The following ZSWIM2 variants were observed in gnomAD, a reference collection of about 807,000 sequenced individuals.
ZSWIM2 encodes the protein E3 ubiquitin-protein ligase ZSWIM2.
Under a neutral mutation model 48.4 loss-of-function variants are expected in ZSWIM2, and 38 were observed. The observed-to-expected ratio is 0.79, with a 90% CI of 0.61 to 1.03. The LOEUF (loss-of-function observed/expected upper bound fraction) is 1.03. ZSWIM2 is among the 50% of genes least tolerant of loss of function. ZSWIM2 has a pLI of 0.00. For missense variants in ZSWIM2, 776 were observed against 730.2 expected (o/e 1.06, Z -0.72); for synonymous variants, 240 against 251.3 (o/e 0.96, Z 0.42).
At chr2:186,833,474 C>A (rs558377485) in intron 6 of ZSWIM2, among the ~76,000 whole-genome samples, 1 of 151,892 alleles carries the variant, frequency 6.6e-6, no homozygotes, top group South Asian at 2.1e-4. Flanking sequence ...TTTATTTTAT[C>A]TTGTCTGGTA....
rs1341224114 is a variant in ZSWIM2 at position 186,835,509 on chromosome 2, AT to A, written c.744-1480del. Among the ~76,000 whole-genome samples the A allele has an allele frequency of 9.4e-4, 143 of 152,192 alleles. 1 individual carries two copies. The highest frequency in any genetic ancestry group is 3.1e-4 in the Non-Finnish European group (21 of 68,030). The stretch of plus-strand genomic sequence containing the variant: ...TGTACATACAGGGAAGATTTTAATA[AT>A]TAACACCAATGGGTTGGACAAATGG... On this transcript the variant is annotated intron_variant, in intron 5 of 8. Transcript: ENST00000295131.
chr2:186,848,963 T>TA lies in ZSWIM2; in HGVS notation c.165+2dup. 1 of 1,613,910 alleles carries TA rather than the reference T, an allele frequency of 6.2e-7. No individual in the cohort carries two copies. The highest frequency in any genetic ancestry group is 1.3e-5 in the African/African-American group (1 of 75,008). ...AACTGGGGGCGGTAGGGGCGGTAGTTACTCGGAAATCCATGTATTCCGGCT... is the reference window on the plus strand; with the variant it reads ...AACTGGGGGCGGTAGGGGCGGTAGTTAACTCGGAAATCCATGTATTCCGGCT... On this transcript the variant is annotated splice_region_variant and intron_variant, in intron 1 of 8. Transcript: ENST00000295131.
chr2:186,846,489 C>T (rs1692004704), intron 2 of ZSWIM2, among the ~76,000 whole-genome samples: 1 of 151,404 alleles, frequency 6.6e-6, no homozygotes, highest in Admixed American at 6.6e-5. Flanking sequence ...CAACAAATGT[C>T]GATAAGGACC....
intron 8 of ZSWIM2, among the ~76,000 whole-genome samples, chr2:186,829,362 T>C (rs1232269476): frequency 1.3e-5 from 2 of 152,196 alleles, no homozygotes; most frequent in African/African-American, 2.4e-5. Flanking sequence ...ATAATAATTA[T>C]GTCAACTTAG....
intron 7 of ZSWIM2, among the ~76,000 whole-genome samples, chr2:186,831,505 C>A (rs556592177): frequency 2.6e-5 from 4 of 151,830 alleles, no homozygotes; most frequent in Non-Finnish European, 5.9e-5. Flanking sequence ...AAAGTCGTGA[C>A]CCAGCCATCC....
rs148143203 is a variant in ZSWIM2 at position 186,847,724 on chromosome 2, G to A, written c.237C>T (p.Ile79=). 3.1e-6 allele frequency: 5 copies of A among 1,602,386 alleles called. No homozygotes were observed. In the African/African-American group the frequency reaches 5.4e-5, roughly 17 times the overall value. ...TCATTTGAAAAGTCACTTACCAGCA[G>A]ATATGCTTACAAAGTTCCCCTCCTT... is the stretch of plus-strand genomic sequence containing the variant. ...FPKGGELCKH[I]CWVLLKKFKL... The change falls in exon 2 of 9, where the codon ATC becomes ATT. Residue 79 remains isoleucine, a synonymous_variant. Coordinates refer to ENST00000295131, the MANE Select transcript of ZSWIM2 (RefSeq NM_182521.3).
chr2:186,834,464 AGATCAGCG>A (rs1275247484), intron 5 of ZSWIM2, among the ~76,000 whole-genome samples: 3 of 152,124 alleles, frequency 2.0e-5, no homozygotes, highest in African/African-American at 7.2e-5. Flanking sequence ...TCCTTCTGTC[AGATCAGCG>A]GTGGCATCAG....
chr2:186,839,837 A>G (rs1429378135), intron 3 of ZSWIM2, among the ~76,000 whole-genome samples: 1 of 151,558 alleles, frequency 6.6e-6, no homozygotes, highest in Non-Finnish European at 1.5e-5. Context: ...CTAAGTGCCT[A>G]TAGTATTGAT....
At chr2:186,832,226 T>G (rs1691712829) in intron 7 of ZSWIM2, among the ~76,000 whole-genome samples, 1 of 152,020 alleles carries the variant, frequency 6.6e-6, no homozygotes, top group African/African-American at 2.4e-5. Context: ...GCAATTCTCC[T>G]GCCTCAGCCT....
intron 6 of ZSWIM2, among the ~76,000 whole-genome samples, chr2:186,833,636 T>C (rs1691743298): frequency 6.6e-6 from 1 of 152,164 alleles, no homozygotes; most frequent in South Asian, 2.1e-4. Context: ...ATAAGCCAAT[T>C]TGTAATGTTG....
intron 4 of ZSWIM2, among the ~76,000 whole-genome samples, chr2:186,838,483 T>C (rs1236735949): frequency 6.7e-6 from 1 of 150,014 alleles, no homozygotes; most frequent in African/African-American, 2.4e-5. Context: ...TTTATAACTA[T>C]AATAAACCAT....
rs775289218 is a variant in ZSWIM2 at position 186,833,997 on chromosome 2, CT to C, written c.776del (p.Gln259ArgfsTer27). 3.1e-6 allele frequency: 5 copies of C among 1,613,032 alleles called. No homozygotes were observed. The highest frequency in any genetic ancestry group is 4.2e-6 in the Non-Finnish European group (5 of 1,179,530). ...GATGGCAGCAGCTATCAAAACATTC[CT>C]GGCATAAGTGATATTCTATGCATTC... The part of the protein sequence containing the change: ...CTECIEYHLC[Q>X]ECFDSCCHLS... On this transcript the variant is annotated frameshift_variant, in exon 6 of 9. Coordinates refer to ENST00000295131, the MANE Select transcript of ZSWIM2 (RefSeq NM_182521.3). LOFTEE classifies it high-confidence loss of function.
Position 186,837,512 on chromosome 2 carries a change from G to C in ZSWIM2, c.537C>G (p.Ile179Met). The change falls in exon 5 of 9, where the codon ATC (isoleucine) becomes ATG (methionine). Residue 179 changes from isoleucine to methionine, a missense_variant. Physicochemically the swap from Ile to Met is conservative, Grantham distance 10 (BLOSUM62 1). Coordinates refer to ENST00000295131, the MANE Select transcript of ZSWIM2 (RefSeq NM_182521.3). ...TTGATGTACTCTGATAATTAGCTAAGATCTTCATGCATTTTATATGAATAC... is the reference window on the plus strand; with the variant it reads ...TTGATGTACTCTGATAATTAGCTAACATCTTCATGCATTTTATATGAATAC... The part of the protein sequence containing the change: ...GNSIHIKCMK[I>M]LANYQSTSNT... 2 of 1,611,422 alleles carry C rather than the reference G, an allele frequency of 1.2e-6. No homozygotes were observed. The highest frequency in any genetic ancestry group is 1.1e-5 in the South Asian group (1 of 91,034).
At position 186,827,766 on chromosome 2, in the gene ZSWIM2, T is replaced by C. The variant is rs1691622131; in HGVS notation, c.*218A>G. On this transcript the variant is annotated 3_prime_UTR_variant, in exon 9 of 9. Transcript: ENST00000295131. ...AAGGCTCTAAAAATTATTCATTATT[T>C]ATAACATCCTGAATATATTCATGAA... 1 of 308,034 alleles carries C rather than the reference T, an allele frequency of 3.2e-6. No individual in the cohort carries two copies. Among genetic ancestry groups the C allele is most frequent in the Non-Finnish European group, 5.9e-6 (1 of 169,462 alleles). The allele number at this position is 308,034 out of a possible 1,614,324, so 19.1% of individuals were successfully genotyped here. A position where few individuals can be genotyped will look rare whatever the true frequency, so the allele number is the denominator to read the frequency against.
In ZSWIM2 at chr2:186,828,530, C is replaced by G; in HGVS notation, c.1356G>C (p.Leu452Phe). The change falls in exon 9 of 9, where the codon TTG becomes TTC. Residue 452 changes from leucine to phenylalanine, a missense_variant. Leu to Phe is a conservative substitution (Grantham distance 22). Coordinates refer to ENST00000295131, the MANE Select transcript of ZSWIM2 (RefSeq NM_182521.3). Reference sequence around the variant, plus strand: ...CATCTTTTGGGCTTTGAGGTGTATTCAATTCATCAAAATTACACTGAGGTA... The same window carrying G: ...CATCTTTTGGGCTTTGAGGTGTATTGAATTCATCAAAATTACACTGAGGTA... ...PSIPQCNFDE[L>F]NTPQSPKDAY... The G allele has an allele frequency of 6.2e-7, 1 of 1,613,330 alleles. No homozygotes were observed. Among genetic ancestry groups the G allele is most frequent in the Non-Finnish European group, 8.5e-7 (1 of 1,179,610 alleles).
In ZSWIM2 at chr2:186,837,318, C is replaced by T. The variant is rs752535449; in HGVS notation, c.731G>A (p.Gly244Glu). Reference sequence around the variant, plus strand: ...GGATAACACTTACTTATAACACTTCCCCTCAATTGGAAACTGTTTGCAGTT... The same window carrying T: ...GGATAACACTTACTTATAACACTTCTCCTCAATTGGAAACTGTTTGCAGTT... ...CNNCKQFPIE[G>E]KCYKCTECIE... The change falls in exon 5 of 9, where the codon GGG becomes GAG. Residue 244 changes from glycine (G) to glutamate (E), a missense_variant. By Grantham distance (98) the Gly-to-Glu change is moderately conservative (BLOSUM62 -2). Coordinates refer to ENST00000295131, the MANE Select transcript of ZSWIM2 (RefSeq NM_182521.3). The T allele has an allele frequency of 6.2e-7, 1 of 1,612,554 alleles. No homozygotes were observed. Among genetic ancestry groups the T allele is most frequent in the Non-Finnish European group, 8.5e-7 (1 of 1,179,054 alleles).
chr2:186,845,650 A>G (rs960051889), intron 2 of ZSWIM2, among the ~76,000 whole-genome samples: 5 of 151,624 alleles, frequency 3.3e-5, no homozygotes, highest in African/African-American at 1.2e-4. Context: ...TAACTATCAA[A>G]TAAATTAAAA....
intron 2 of ZSWIM2, among the ~76,000 whole-genome samples, chr2:186,847,090 G>A (rs1206780218): frequency 2.6e-5 from 4 of 151,812 alleles, no homozygotes; most frequent in African/African-American, 9.7e-5. Flanking sequence ...CACTATTGGG[G>A]TGATTAGTAC....
At chr2:186,840,089 C>T (rs1328197763) in intron 3 of ZSWIM2, among the ~76,000 whole-genome samples, 1 of 151,570 alleles carries the variant, frequency 6.6e-6, no homozygotes, top group East Asian at 1.9e-4. Flanking sequence ...ATCACAGTTA[C>T]ATTTCAATAC....
Sources: allele counts gnomAD v4.1 joint callset (sites outside exome capture counted in the v4.1 genomes callset), GRCh38; gene constraint gnomAD v4.1.1; transcripts MANE v1.5; gene names NCBI Gene and HGNC (gene_info 2026-07-23, HGNC 2026-07-21).